GALNT2: variants seen among roughly 807,000 people sequenced by gnomAD.
GALNT2 encodes UDP-GalNAc:polypeptide N-acetylgalactosaminyltransferase 2.
A neutral mutation model predicts 81.4 loss-of-function variants in GALNT2; 31 were observed. That is an observed-to-expected ratio of 0.38 (90% CI 0.29 to 0.51). The LOEUF (loss-of-function observed/expected upper bound fraction) is 0.51. Ranked by LOEUF, GALNT2 falls within the 20% of genes least tolerant of loss-of-function variation. The pLI, the probability that GALNT2 is intolerant of heterozygous loss-of-function variation, is 0.87. For missense variants in GALNT2, 629 were observed against 765.7 expected (o/e 0.82, Z 2.11); for synonymous variants, 303 against 287.4 (o/e 1.05, Z -0.55).
intron 1 of GALNT2, among the ~76,000 whole-genome samples, chr1:230,089,216 G>A (rs1659987463): frequency 6.7e-6 from 1 of 148,382 alleles, no homozygotes; most frequent in Non-Finnish European, 1.5e-5. Flanking sequence ...GTGTGATCTC[G>A]CCTCACAGCA....
chr1:230,139,109 C>T (rs1177160843), intron 1 of GALNT2, among the ~76,000 whole-genome samples: 1 of 152,182 alleles, frequency 6.6e-6, no homozygotes, highest in Non-Finnish European at 1.5e-5. Context: ...AGGAGACCAA[C>T]AAGAGCTTCT....
rs150143851 is a variant in GALNT2, at chr1:230,258,688, C to T, written c.1136+3344C>T. On this transcript the variant is annotated intron_variant, in intron 11 of 15. Coordinates refer to ENST00000366672, the MANE Select transcript of GALNT2 (RefSeq NM_004481.5). ...TTCTCTCAAAAACTATGTTTCTTCA[C>T]AAATGTTGAAACTTCATTTTTGTTC... 12 of 152,318 alleles carry T rather than the reference C, an allele frequency of 7.9e-5. No individual in the cohort carries two copies. The East Asian group carries it at 1.7e-3, about 22-fold the overall frequency. The allele number at this position is 152,318 out of a possible 1,614,324, so 9.4% of individuals were successfully genotyped here. A position where few individuals can be genotyped will look rare whatever the true frequency, so the allele number is the denominator to read the frequency against.
At chr1:230,115,061 A>G (rs1339687925) in intron 1 of GALNT2, among the ~76,000 whole-genome samples, 2 of 144,076 alleles carry the variant, frequency 1.4e-5, no homozygotes, top group African/African-American at 2.6e-5. Flanking sequence ...GCTGGAGTGC[A>G]GTGGCATGAT....
intron 2 of GALNT2, among the ~76,000 whole-genome samples, chr1:230,186,510 G>A (rs1453630301): frequency 6.6e-6 from 1 of 152,166 alleles, no homozygotes; most frequent in Non-Finnish European, 1.5e-5. Context: ...ATAATAATAG[G>A]AAGCTAGGAT....
chr1:230,227,689 G>A (rs535749988), intron 3 of GALNT2, among the ~76,000 whole-genome samples: 50 of 152,228 alleles, frequency 3.3e-4, no homozygotes, highest in African/African-American at 1.2e-3. Flanking sequence ...AATGGATGCA[G>A]GAGGGAAAGC....
At chr1:230,232,403 T>C (rs1042350365) in intron 3 of GALNT2, among the ~76,000 whole-genome samples, 7 of 152,148 alleles carry the variant, frequency 4.6e-5, no homozygotes, top group Non-Finnish European at 8.8e-5. Context: ...CAGAGCCCCG[T>C]GAGACTTTCA....
intron 6 of GALNT2, among the ~76,000 whole-genome samples, chr1:230,240,261 A>C (rs1022695420): frequency 2.0e-5 from 3 of 152,158 alleles, no homozygotes; most frequent in African/African-American, 7.2e-5. Context: ...TTTCAGTGGA[A>C]TCTGAGTTGA....
chr1:230,277,323 G>A (rs1666328854), intron 15 of GALNT2, among the ~76,000 whole-genome samples: 2 of 152,134 alleles, frequency 1.3e-5, no homozygotes, highest in African/African-American at 4.8e-5. Flanking sequence ...TGTGCGAGAC[G>A]GAGCTGGGGT....
intron 11 of GALNT2, chr1:230,259,094 GATA>G: frequency 6.6e-6 from 1 of 152,340 alleles, no homozygotes; most frequent in East Asian, 1.9e-4. Flanking sequence ...TCATCTGAAA[GATA>G]AAGAAGTGGA....
intron 15 of GALNT2, among the ~76,000 whole-genome samples, chr1:230,274,967 CA>C: frequency 7.1e-6 from 1 of 140,702 alleles, no homozygotes; most frequent in Middle Eastern, 3.7e-3. Flanking sequence ...ATATACACAC[CA>C]CATATATATA....
chr1:230,219,127 C>T lies in GALNT2; in HGVS notation c.374+15837C>T, dbSNP rs370189973. On this transcript the variant is annotated intron_variant, in intron 3 of 15. Transcript: ENST00000366672. ...TTGGTGCCAAAAAGGTTGGGGACCG[C>T]TGGCTTAAGGGACACTGGGTTTGTT... is the stretch of plus-strand genomic sequence containing the variant. 1.1e-4 allele frequency among the ~76,000 whole-genome samples: 16 copies of T among 152,350 alleles called. No individual in the cohort carries two copies. The South Asian group carries it at 3.1e-3, about 30-fold the overall frequency.
chr1:230,277,273 A>G (rs529474373), intron 15 of GALNT2, among the ~76,000 whole-genome samples: 125 of 152,224 alleles, frequency 8.2e-4, no homozygotes, highest in Non-Finnish European at 1.5e-3. Flanking sequence ...CCCCAACCAC[A>G]ATCCCATCAG....
At chr1:230,232,356 C>G (rs752567041) in intron 3 of GALNT2, among the ~76,000 whole-genome samples, 1 of 152,138 alleles carries the variant, frequency 6.6e-6, no homozygotes, top group East Asian at 1.9e-4. Flanking sequence ...TAAAATGATA[C>G]GAATGCAGCA....
intron 3 of GALNT2, among the ~76,000 whole-genome samples, chr1:230,218,996 C>T (rs114628207): frequency 1.3e-3 from 196 of 152,310 alleles, no homozygotes; most frequent in African/African-American, 4.4e-3. Context: ...GTTGTGTGCT[C>T]CTTATTAGAA....
At chr1:230,272,968 C>T (rs939929882) in intron 14 of GALNT2, among the ~76,000 whole-genome samples, 3 of 152,112 alleles carry the variant, frequency 2.0e-5, no homozygotes, top group Non-Finnish European at 2.9e-5. Context: ...AACAAGGTCT[C>T]GCTATGTTGC....
At chr1:230,267,281 G>A (rs568410119) in intron 14 of GALNT2, among the ~76,000 whole-genome samples, 1 of 152,340 alleles carries the variant, frequency 6.6e-6, no homozygotes, top group East Asian at 1.9e-4. Context: ...GGATTAGAAG[G>A]CAAACAAAGC....
At chr1:230,228,759 A>C (rs969552418) in intron 3 of GALNT2, among the ~76,000 whole-genome samples, 1 of 152,024 alleles carries the variant, frequency 6.6e-6, no homozygotes, top group Non-Finnish European at 1.5e-5. Context: ...TCAAGACTCC[A>C]GTGGATATTT....
chr1:230,116,023 TAGTCTTGAACCCCTCAA>T (rs1394874560), intron 1 of GALNT2, among the ~76,000 whole-genome samples: 2 of 152,338 alleles, frequency 1.3e-5, no homozygotes, highest in East Asian at 3.9e-4. Context: ...TTCTCCACTC[TAGTCTTGAACCCCTCAA>T]AGTCATCCAT....
At chr1:230,194,466 T>C (rs1663625020) in intron 2 of GALNT2, among the ~76,000 whole-genome samples, 1 of 152,112 alleles carries the variant, frequency 6.6e-6, no homozygotes, top group African/African-American at 2.4e-5. Flanking sequence ...GGCCCTTCTC[T>C]CCCAGAGGCA....
Sources: gnomAD v4.1 joint callset for allele counts (sites outside exome capture counted in the v4.1 genomes callset) on GRCh38, gnomAD v4.1.1 for gene constraint, MANE v1.5 for transcripts, NCBI Gene and HGNC (gene_info 2026-07-23, HGNC 2026-07-21) for gene names.